Variants in HS3ST5 observed in about 807,000 individuals in gnomAD.
The protein encoded by HS3ST5 is heparan sulfate glucosamine 3-O-sulfotransferase 5.
HS3ST5 carries 10 observed loss-of-function variants against 25.4 expected under a neutral mutation model. The ratio of observed to expected loss-of-function variants is 0.39; its 90% confidence interval spans 0.24 to 0.67. The LOEUF is 0.67. HS3ST5 is among the 30% of genes least tolerant of loss of function. The pLI, the probability that HS3ST5 is intolerant of heterozygous loss-of-function variation, is 0.44. For synonymous variants in HS3ST5, 170 were observed against 162.4 expected (o/e 1.05, Z -0.36); for missense variants, 324 against 420.7 (o/e 0.77, Z 2.01).
intron 1 of HS3ST5, among the ~76,000 whole-genome samples, chr6:114,318,253 G>A (rs1438977940): frequency 2.0e-5 from 3 of 152,150 alleles, no homozygotes; most frequent in Non-Finnish European, 4.4e-5. Flanking sequence ...CAGAAGCATA[G>A]GACATATATT....
At chr6:114,136,227 C>A (rs972125638) in intron 3 of HS3ST5, among the ~76,000 whole-genome samples, 1 of 152,224 alleles carries the variant, frequency 6.6e-6, no homozygotes, top group Non-Finnish European at 1.5e-5. Context: ...GTAAGTCCCA[C>A]GTGTCATGGG....
Position 114,063,395 on chromosome 6 carries a change from A to G in HS3ST5, c.-32-518T>C, listed in dbSNP as rs545709211. On this transcript the variant is annotated intron_variant, in intron 3 of 4. Coordinates refer to ENST00000312719, the MANE Select transcript of HS3ST5 (RefSeq NM_153612.4). The stretch of plus-strand genomic sequence containing the variant: ...CTGGGCACAGTGGTGGGCCCCTGTA[A>G]TCCCAGCTGCTAGGGAGGCTGAGTC... Among the ~76,000 whole-genome samples, 3 of 152,124 alleles carry G rather than the reference A, an allele frequency of 2.0e-5. No individual in the cohort carries two copies. In the South Asian group the frequency reaches 6.2e-4, roughly 32 times the overall value.
chr6:114,241,080 A>G (rs751084775), intron 1 of HS3ST5, among the ~76,000 whole-genome samples: 14 of 152,142 alleles, frequency 9.2e-5, no homozygotes, highest in Non-Finnish European at 1.8e-4. Flanking sequence ...ACCTTTTAAA[A>G]GAAAGCTCTT....
chr6:114,189,589 T>C (rs1025202758), intron 2 of HS3ST5, among the ~76,000 whole-genome samples: 1 of 152,152 alleles, frequency 6.6e-6, no homozygotes, highest in Non-Finnish European at 1.5e-5. Context: ...CTCAACTATA[T>C]CTTTACTTTT....
In HS3ST5 at chr6:114,313,415, GC is replaced by G. The variant is rs1443754909; in HGVS notation, c.-339+28779del. 2.6e-5 allele frequency among the ~76,000 whole-genome samples: 4 copies of G among 152,142 alleles called. No homozygotes were observed. In the East Asian group the frequency reaches 7.7e-4, roughly 29 times the overall value. Reference sequence around the variant, plus strand: ...ATTCACAGCAGCTTTGTTTATAATAGCCCTAAACTGTAATCAACCCAAATGT... The same window carrying G: ...ATTCACAGCAGCTTTGTTTATAATAGCCTAAACTGTAATCAACCCAAATGT... On this transcript the variant is annotated intron_variant, in intron 1 of 4. Transcript: ENST00000312719.
chr6:114,199,542 T>C (rs999219403), intron 2 of HS3ST5, among the ~76,000 whole-genome samples: 2 of 152,012 alleles, frequency 1.3e-5, no homozygotes, highest in Admixed American at 1.3e-4. Context: ...AATGTTTATC[T>C]TATTTTACAA....
intron 3 of HS3ST5, among the ~76,000 whole-genome samples, chr6:114,158,796 T>G (rs1196014757): frequency 6.6e-6 from 1 of 152,200 alleles, no homozygotes; most frequent in Non-Finnish European, 1.5e-5. Flanking sequence ...GTTATTACCA[T>G]CAGCCTGGCA....
chr6:114,243,753 C>A (rs1772250527), intron 1 of HS3ST5, among the ~76,000 whole-genome samples: 1 of 152,126 alleles, frequency 6.6e-6, no homozygotes, highest in Admixed American at 6.5e-5. Flanking sequence ...CTTTCTCTAC[C>A]CCTTTTCTTT....
chr6:114,155,984 C>G (rs542478636), intron 3 of HS3ST5, among the ~76,000 whole-genome samples: 1 of 152,292 alleles, frequency 6.6e-6, no homozygotes, highest in East Asian at 1.9e-4. Flanking sequence ...AAAAACAAAT[C>G]CTGAGGAAAA....
intron 1 of HS3ST5, among the ~76,000 whole-genome samples, chr6:114,310,438 C>G (rs1775480481): frequency 6.6e-6 from 1 of 152,072 alleles, no homozygotes; most frequent in African/African-American, 2.4e-5. Context: ...AAAATGGCAT[C>G]TTAAGTTCTC....
At chr6:114,081,305 G>C (rs749196729) in intron 3 of HS3ST5, among the ~76,000 whole-genome samples, 3 of 152,092 alleles carry the variant, frequency 2.0e-5, no homozygotes, top group Non-Finnish European at 4.4e-5. Flanking sequence ...CATGCCTTTG[G>C]AGAAATGCTG....
intron 1 of HS3ST5, among the ~76,000 whole-genome samples, chr6:114,290,864 C>T (rs1318131328): frequency 1.3e-5 from 2 of 151,716 alleles, no homozygotes; most frequent in African/African-American, 2.4e-5. Context: ...CAGCCATTAA[C>T]CCTTGTGGGG....
At chr6:114,204,260 T>G (rs948354782) in intron 2 of HS3ST5, among the ~76,000 whole-genome samples, 3 of 152,170 alleles carry the variant, frequency 2.0e-5, no homozygotes, top group African/African-American at 7.2e-5. Flanking sequence ...AGTGGTGGGA[T>G]AGAAGGTCAG....
intron 2 of HS3ST5, among the ~76,000 whole-genome samples, chr6:114,205,082 A>T (rs1161488677): frequency 6.6e-6 from 1 of 152,108 alleles, no homozygotes; most frequent in Non-Finnish European, 1.5e-5. Context: ...ACAGTTTTCT[A>T]ACACAAACTA....
At chr6:114,105,454 GGAA>G (rs1410016941) in intron 3 of HS3ST5, among the ~76,000 whole-genome samples, 3 of 152,058 alleles carry the variant, frequency 2.0e-5, no homozygotes, top group Non-Finnish European at 4.4e-5. Context: ...TTTATCTCAA[GGAA>G]GAAGTTTATA....
intron 1 of HS3ST5, among the ~76,000 whole-genome samples, chr6:114,330,772 G>A (rs977463728): frequency 2.0e-5 from 3 of 152,092 alleles, no homozygotes; most frequent in Admixed American, 1.3e-4. Flanking sequence ...GGTATCTAGG[G>A]AGTCCTGGGT....
intron 1 of HS3ST5, among the ~76,000 whole-genome samples, chr6:114,287,723 A>G (rs1774399644): frequency 6.6e-6 from 1 of 152,026 alleles, no homozygotes; most frequent in Non-Finnish European, 1.5e-5. Context: ...AAATCAAACA[A>G]ACATCACCCT....
Position 114,306,059 on chromosome 6 carries a change from C to G in HS3ST5, c.-339+36136G>C, listed in dbSNP as rs1047170732. Among the ~76,000 whole-genome samples, 18 of 152,058 alleles carry G rather than the reference C, an allele frequency of 1.2e-4. No individual in the cohort carries two copies. The East Asian group carries it at 3.3e-3, about 28-fold the overall frequency. Reference sequence around the variant, plus strand: ...GTACAATTACCATTGCATTCTGCCTCTAAGAAAGTGCTTTAAATTCTGGGA... The same window carrying G: ...GTACAATTACCATTGCATTCTGCCTGTAAGAAAGTGCTTTAAATTCTGGGA... On this transcript the variant is annotated intron_variant, in intron 1 of 4. Coordinates refer to ENST00000312719, the MANE Select transcript of HS3ST5 (RefSeq NM_153612.4).
chr6:114,158,333 G>A (rs1778792651), intron 3 of HS3ST5, among the ~76,000 whole-genome samples: 3 of 152,194 alleles, frequency 2.0e-5, no homozygotes, highest in African/African-American at 7.2e-5. Context: ...CATAAATTAT[G>A]AGCAGCAGAA....
Sources: allele counts gnomAD v4.1 joint callset (sites outside exome capture counted in the v4.1 genomes callset), GRCh38; gene constraint gnomAD v4.1.1; transcripts MANE v1.5; gene names NCBI Gene and HGNC (gene_info 2026-07-23, HGNC 2026-07-21).